Variants in MLXIP observed in about 807,000 individuals in gnomAD.
The protein encoded by MLXIP is MLX interacting protein.
A neutral mutation model predicts 87.2 loss-of-function variants in MLXIP; 30 were observed. That is an observed-to-expected ratio of 0.34 (90% confidence interval 0.26 to 0.47). MLXIP has a LOEUF of 0.47. Among genes scored for constraint, MLXIP ranks in the 20% least tolerant of loss-of-function variants. MLXIP has a pLI of 1.00. For missense variants in MLXIP, 1,002 were observed against 1,240.1 expected (o/e 0.81, Z 2.88); for synonymous variants, 530 against 514.0 (o/e 1.03, Z -0.42).
intron 1 of MLXIP, among the ~76,000 whole-genome samples, chr12:122,100,204 C>T (rs1952416744): frequency 6.6e-6 from 1 of 152,160 alleles, no homozygotes; most frequent in South Asian, 2.1e-4. Context: ...TCTGTGGTAC[C>T]ATTTGAGGAG....
At chr12:122,088,097 G>T (rs908830660) in intron 1 of MLXIP, among the ~76,000 whole-genome samples, 1 of 152,154 alleles carries the variant, frequency 6.6e-6, no homozygotes, top group African/African-American at 2.4e-5. Context: ...CCTGAGAAGG[G>T]CTGAGGGCTG....
chr12:122,136,003 C>G (rs1384164363), intron 11 of MLXIP: 11 of 244,772 alleles, frequency 4.5e-5, no homozygotes, highest in Non-Finnish European at 8.7e-5. Flanking sequence ...CTTCCTGTCT[C>G]TGGGAGCATC....
At chr12:122,104,575 C>CTTT (rs751931978) in intron 1 of MLXIP, among the ~76,000 whole-genome samples, 47 of 91,312 alleles carry the variant, frequency 5.1e-4, no homozygotes, top group African/African-American at 6.4e-4. Context: ...ATTACCTTTT[C>CTTT]TTTTTTTTTT....
intron 1 of MLXIP, among the ~76,000 whole-genome samples, chr12:122,122,046 T>C (rs950100154): frequency 1.5e-4 from 16 of 106,338 alleles, no homozygotes; most frequent in Non-Finnish European, 2.2e-4. Context: ...GTGAGTGCAG[T>C]TGACCTCTGT....
Position 122,110,806 on chromosome 12 carries a change from A to G in MLXIP, c.414-16450A>G, listed in dbSNP as rs182561743. 2.8e-3 allele frequency among the ~76,000 whole-genome samples: 419 copies of G among 150,922 alleles called. 3 individuals are homozygous for G. The highest frequency in any genetic ancestry group is 0.023 in the Admixed American group (345 of 15,140). ...AAAAAATAAAAAAAGGGCTGGGCGC[A>G]GTGGCTCACGCCTGTAATCCCAGCA... On this transcript the variant is annotated intron_variant, in intron 1 of 16. Transcript: ENST00000319080.
chr12:122,106,234 G>A (rs543047860), intron 1 of MLXIP, among the ~76,000 whole-genome samples: 4 of 128,410 alleles, frequency 3.1e-5, no homozygotes, highest in Non-Finnish European at 6.6e-5. Flanking sequence ...CCCTCTGCCT[G>A]AAACCCTTTT....
At chr12:122,081,026 A>C (rs1952083351) in intron 1 of MLXIP, among the ~76,000 whole-genome samples, 1 of 117,274 alleles carries the variant, frequency 8.5e-6, no homozygotes, top group Non-Finnish European at 1.9e-5. Flanking sequence ...TCCCCTTTGC[A>C]CTCTTGTTTG....
intron 1 of MLXIP, among the ~76,000 whole-genome samples, chr12:122,092,032 C>T (rs999221897): frequency 6.6e-6 from 1 of 152,170 alleles, no homozygotes; most frequent in African/African-American, 2.4e-5. Flanking sequence ...CACAGAACGG[C>T]TCTGGCACAA....
At chr12:122,129,304 C>A in intron 4 of MLXIP, 78 bp downstream of exon 4, 2 of 1,306,930 alleles carry the variant, frequency 1.5e-6, no homozygotes, top group South Asian at 1.3e-5. Flanking sequence ...CTGGCCGAGG[C>A]GGTAGGCTCC....
chr12:122,098,053 G>A (rs1952382432), intron 1 of MLXIP, among the ~76,000 whole-genome samples: 1 of 152,206 alleles, frequency 6.6e-6, no homozygotes, highest in Non-Finnish European at 1.5e-5. Context: ...CAGAGGAGCT[G>A]GCAGGGCCTG....
At position 122,133,972 on chromosome 12, in the gene MLXIP, G is replaced by T. The variant is rs1953034149; in HGVS notation, c.1717G>T (p.Ala573Ser). ...PEPVSLVLKN[A>S]RIAPAAFSGQ... ...GCCCGTGTCCTTGGTGTTGAAGAAT[G>T]CCCGTATCGCCCCAGGTGAGCCAGG... Residue 573 changes from alanine to serine, a missense_variant, in exon 9 of 17, where the codon GCC becomes TCC. Physicochemically the swap from Ala to Ser is moderately conservative, Grantham distance 99. Around this residue, in one of 3 missense-constraint regions of MLXIP, gnomAD observed 746 missense variants for 897.0 expected, o/e 0.83. Coordinates refer to ENST00000319080, the MANE Select transcript of MLXIP (RefSeq NM_014938.6). This position sits in a 1 kb window ranked among gnomAD's most constrained non-coding sequence, Gnocchi z 4.9. The T allele has an allele frequency of 1.3e-6, 2 of 1,599,456 alleles. No individual in the cohort carries two copies. The highest frequency in any genetic ancestry group is 1.7e-6 in the Non-Finnish European group (2 of 1,172,262).
intron 3 of MLXIP, 35 bp from the exon 4 acceptor site, chr12:122,129,102 C>T (rs1201857477): frequency 2.6e-6 from 4 of 1,529,666 alleles, no homozygotes; most frequent in Non-Finnish European, 3.6e-6. Context: ...TCAAGCAGAG[C>T]CCCCTCTTCA....
rs1471050279 is a variant in MLXIP at position 122,143,372 on chromosome 12, G to A, written c.*1560G>A. 6.6e-6 allele frequency: 1 copy of A among 152,392 alleles called. No homozygotes were observed. Among genetic ancestry groups the A allele is most frequent in the East Asian group, 1.9e-4 (1 of 5,200 alleles). The allele number at this position is 152,392 out of a possible 1,614,324, so 9.4% of individuals were successfully genotyped here. On this transcript the variant is annotated 3_prime_UTR_variant, in exon 17 of 17. Transcript: ENST00000319080. ...TGCCTGCCCTCTTGTCTGTGCTTCA[G>A]CCCTGCACAAAAGCAGCTTGGTGAC...
In MLXIP at chr12:122,141,880, C is replaced by CG; in HGVS notation, c.*69dup. ...TTCCCTGCCCATGGAGAGTAGGCTGCGCCCCCCAGCCCTTCCTGACGCTCA... is the reference window on the plus strand; with the variant it reads ...TTCCCTGCCCATGGAGAGTAGGCTGCGGCCCCCCAGCCCTTCCTGACGCTCA... On this transcript the variant is annotated 3_prime_UTR_variant, in exon 17 of 17. Coordinates refer to ENST00000319080, the MANE Select transcript of MLXIP (RefSeq NM_014938.6). 1 of 1,585,502 alleles carries CG rather than the reference C, an allele frequency of 6.3e-7. No individual in the cohort carries two copies. Among genetic ancestry groups the CG allele is most frequent in the Non-Finnish European group, 8.6e-7 (1 of 1,166,706 alleles).
chr12:122,089,371 C>T (rs140855026), intron 1 of MLXIP, among the ~76,000 whole-genome samples: 18 of 152,284 alleles, frequency 1.2e-4, no homozygotes, highest in African/African-American at 4.1e-4. Flanking sequence ...TAAAAGGAAA[C>T]GCTTTCAATG....
chr12:122,132,441 C>CA, intron 8 of MLXIP, 58 bp downstream of exon 8: 1 of 1,384,728 alleles, frequency 7.2e-7, no homozygotes, highest in South Asian at 1.2e-5. Flanking sequence ...GGCTGCTCAT[C>CA]AAAGGTTTGC....
intron 1 of MLXIP, among the ~76,000 whole-genome samples, 198 bp from the exon 2 acceptor site, chr12:122,127,058 C>T (rs1480922434): frequency 6.6e-6 from 1 of 152,140 alleles, no homozygotes; most frequent in African/African-American, 2.4e-5. Context: ...CCCTCCGCGC[C>T]CTGACAGTAT....
rs771768844 is a variant in MLXIP at position 122,141,766 on chromosome 12, C to T, written c.2714C>T (p.Ala905Val). 5.0e-6 allele frequency: 8 copies of T among 1,613,652 alleles called. No homozygotes were observed. The highest frequency in any genetic ancestry group is 3.3e-5 in the Admixed American group (2 of 59,974). ...GACCCGGCACAGCTGCCAGAGCAGG[C>T]GTCCAAGGCTGTCACCAGGATTGGC... ...LTDPAQLPEQ[A>V]SKAVTRIGKR... Residue 905 changes from alanine to valine, a missense_variant, in exon 17 of 17, where the codon GCG becomes GTG. Physicochemically the swap from Ala to Val is moderately conservative, Grantham distance 64. Transcript: ENST00000319080.
chr12:122,121,430 A>G, intron 1 of MLXIP, among the ~76,000 whole-genome samples: 1 of 144,738 alleles, frequency 6.9e-6, no homozygotes, highest in African/African-American at 2.6e-5. Flanking sequence ...ACCATGCCTG[A>G]CTAATTTTTG....
Sources: gnomAD v4.1 joint callset for allele counts (sites outside exome capture counted in the v4.1 genomes callset) on GRCh38, gnomAD v4.1.1 for gene constraint, gnomAD v4.1.1 regional missense constraint, Gnocchi (gnomAD v3.1) non-coding constraint, MANE v1.5 for transcripts, NCBI Gene and HGNC (gene_info 2026-07-23, HGNC 2026-07-21) for gene names.